Variants in MAEA observed in about 807,000 individuals in gnomAD.
MAEA encodes macrophage erythroblast attacher, E3 ubiquitin ligase, also known as E3 ubiquitin-protein transferase MAEA.
MAEA carries 22 observed loss-of-function variants against 46.2 expected under a neutral mutation model. The observed-to-expected ratio is 0.48, with a 90% CI of 0.34 to 0.68. The LOEUF is 0.68. Among genes scored for constraint, MAEA ranks in the 30% least tolerant of loss-of-function variants. The probability of loss-of-function intolerance (pLI) is 0.01; values close to 1 mark genes in which losing one functional copy is unlikely to be tolerated. For synonymous variants in MAEA, 246 were observed against 222.6 expected, an observed-to-expected ratio of 1.11 and a Z score of -0.94; for missense variants, 393 against 558.1, an observed-to-expected ratio of 0.70 and a Z score of 2.98.
At chr4:1,313,346 G>C (rs1032360744) in intron 2 of MAEA, among the ~76,000 whole-genome samples, 21 of 152,120 alleles carry the variant, frequency 1.4e-4, no homozygotes, top group African/African-American at 4.8e-4. Flanking sequence ...AAGACACCAC[G>C]ATGGACTGGA....
intron 5 of MAEA, chr4:1,330,626 A>G (rs1296022946): frequency 1.3e-5 from 2 of 152,120 alleles, no homozygotes; most frequent in Non-Finnish European, 2.9e-5. Flanking sequence ...GTGTGTTTAT[A>G]TTTTTAAAGA....
chr4:1,300,395 A>G (rs1045119032), intron 1 of MAEA, among the ~76,000 whole-genome samples: 6 of 152,236 alleles, frequency 3.9e-5, no homozygotes, highest in Non-Finnish European at 7.3e-5. Flanking sequence ...TGTAACTGCC[A>G]AAGTTGTGAC....
At chr4:1,304,862 C>T (rs1421794057) in intron 1 of MAEA, among the ~76,000 whole-genome samples, 1 of 152,174 alleles carries the variant, frequency 6.6e-6, no homozygotes, top group Non-Finnish European at 1.5e-5. Flanking sequence ...TGAAACTCTA[C>T]AAATGTGTCT....
intron 5 of MAEA, chr4:1,329,440 T>G (rs2108988377): frequency 1.0e-6 from 1 of 985,456 alleles, no homozygotes; most frequent in East Asian, 1.1e-4. Context: ...CCTCGTCTGT[T>G]GCAGGGGAGC....
chr4:1,330,615 C>T (rs1029583987), intron 5 of MAEA: 2 of 152,016 alleles, frequency 1.3e-5, no homozygotes, highest in Non-Finnish European at 2.9e-5. Context: ...GTGCCTGGCC[C>T]GTGTGTTTAT....
Position 1,339,229 on chromosome 4 carries a change from C to T in MAEA, c.*60C>T. 1.6e-6 allele frequency: 2 copies of T among 1,272,180 alleles called. No homozygotes were observed. Among genetic ancestry groups the T allele is most frequent in the Non-Finnish European group, 2.3e-6 (2 of 869,366 alleles). The allele number at this position is 1,272,180 out of a possible 1,614,324, so 78.8% of individuals were successfully genotyped here. ...GCTGCAGTGGGCGGGGAGGCCACGC[C>T]TTCCTCCTGTCCCACGCTCCAGCCT... On this transcript the variant is annotated 3_prime_UTR_variant, in exon 9 of 9. Transcript: ENST00000303400.
At chr4:1,312,923 C>T (rs1478415125) in intron 2 of MAEA, among the ~76,000 whole-genome samples, 1 of 152,152 alleles carries the variant, frequency 6.6e-6, no homozygotes, top group African/African-American at 2.4e-5. Context: ...AGGCCAGAAC[C>T]GGAGGGCAGG....
At chr4:1,304,443 A>G (rs1469205024) in intron 1 of MAEA, among the ~76,000 whole-genome samples, 2 of 151,734 alleles carry the variant, frequency 1.3e-5, no homozygotes, top group Non-Finnish European at 1.5e-5. Context: ...CCTGAAAATT[A>G]CTTATTTATT....
At chr4:1,302,548 C>G (rs148865237) in intron 1 of MAEA, among the ~76,000 whole-genome samples, 2 of 152,176 alleles carry the variant, frequency 1.3e-5, no homozygotes, top group Non-Finnish European at 2.9e-5. Context: ...GGCGCCATCT[C>G]GGCTCACTGC....
intron 1 of MAEA, among the ~76,000 whole-genome samples, chr4:1,310,408 C>T (rs1484451379): frequency 2.0e-5 from 3 of 152,236 alleles, no homozygotes; most frequent in Non-Finnish European, 4.4e-5. Context: ...ATCTTGAAGG[C>T]AGGCAGTGTG....
chr4:1,306,731 T>C (rs1735872627), intron 1 of MAEA, among the ~76,000 whole-genome samples: 1 of 152,260 alleles, frequency 6.6e-6, no homozygotes, highest in Admixed American at 6.5e-5. Flanking sequence ...TCTTTTACAG[T>C]TGGTACATTT....
chr4:1,305,919 G>A (rs1735785026), intron 1 of MAEA, among the ~76,000 whole-genome samples: 1 of 152,210 alleles, frequency 6.6e-6, no homozygotes, highest in African/African-American at 2.4e-5. Flanking sequence ...GTTTTAACCC[G>A]GAAGCTGTCG....
intron 2 of MAEA, among the ~76,000 whole-genome samples, chr4:1,312,812 G>A (rs1306712136): frequency 6.6e-6 from 1 of 152,190 alleles, no homozygotes; most frequent in Non-Finnish European, 1.5e-5. Flanking sequence ...GGGGCCTTGG[G>A]ACTAATCTGG....
chr4:1,317,946 C>A (rs1369695321), intron 3 of MAEA, among the ~76,000 whole-genome samples: 1 of 152,180 alleles, frequency 6.6e-6, no homozygotes, highest in Non-Finnish European at 1.5e-5. Flanking sequence ...GCTGCTGTGG[C>A]CCCCATCTGG....
intron 1 of MAEA, among the ~76,000 whole-genome samples, chr4:1,291,684 A>C (rs1734124351): frequency 6.6e-6 from 1 of 152,192 alleles, no homozygotes; most frequent in South Asian, 2.1e-4. Context: ...TAGATAGGAA[A>C]AGTTTCCAGA....
intron 3 of MAEA, among the ~76,000 whole-genome samples, chr4:1,316,651 C>G (rs1409678862): frequency 6.6e-6 from 1 of 152,128 alleles, no homozygotes; most frequent in African/African-American, 2.4e-5. Flanking sequence ...GGGGTCTTCT[C>G]TCTTTCCACG....
At chr4:1,317,989 G>A (rs1737517100) in intron 3 of MAEA, among the ~76,000 whole-genome samples, 2 of 152,210 alleles carry the variant, frequency 1.3e-5, no homozygotes, top group Non-Finnish European at 2.9e-5. Context: ...TGTCAGGGAA[G>A]GGCATTCTCA....
chr4:1,328,333 C>T (rs979047906), intron 5 of MAEA, among the ~76,000 whole-genome samples: 5 of 152,312 alleles, frequency 3.3e-5, no homozygotes, highest in South Asian at 2.1e-4. Flanking sequence ...GCTGGCTTCC[C>T]GCTGGCTCCC....
At chr4:1,296,766 G>T (rs763383273) in intron 1 of MAEA, among the ~76,000 whole-genome samples, 12 of 152,044 alleles carry the variant, frequency 7.9e-5, no homozygotes, top group Non-Finnish European at 5.9e-5. Context: ...AGGACAGGAT[G>T]ATGCTCCTGA....
Sources: allele counts gnomAD v4.1 joint callset (sites outside exome capture counted in the v4.1 genomes callset), GRCh38; gene constraint gnomAD v4.1.1; transcripts MANE v1.5; gene names NCBI Gene and HGNC (gene_info 2026-07-23, HGNC 2026-07-21).